PGM3: variants seen among roughly 807,000 people sequenced by gnomAD.
The protein encoded by PGM3 is phosphoglucomutase 3, also known as phosphoacetylglucosamine mutase.
In PGM3, 40 loss-of-function variants were observed where a neutral mutation model predicts 66.2. The ratio of observed to expected loss-of-function variants is 0.60; its 90% confidence interval spans 0.47 to 0.79. PGM3 has a LOEUF of 0.79. Ranked by LOEUF, PGM3 falls within the 30% of genes least tolerant of loss-of-function variation. The pLI, the probability that PGM3 is intolerant of heterozygous loss-of-function variation, is 0.00. For synonymous variants in PGM3, 191 were observed against 224.2 expected, an observed-to-expected ratio of 0.85 and a Z score of 1.32; for missense variants, 537 against 643.4, an observed-to-expected ratio of 0.83 and a Z score of 1.79.
intron 5 of PGM3, 151 bp from the exon 6 acceptor site, chr6:83,182,082 A>ACC: frequency 2.0e-6 from 1 of 493,538 alleles, no homozygotes; most frequent in Non-Finnish European, 3.4e-6. Flanking sequence ...TTCATTTTTC[A>ACC]ATTTTTAAAA....
At chr6:83,163,926 A>G (rs1365042686), downstream of PGM3, among the ~76,000 whole-genome samples, 2 of 151,976 alleles carry the variant, frequency 1.3e-5, no homozygotes, top group Non-Finnish European at 2.9e-5. Flanking sequence ...ATCTTTCAGT[A>G]TGCATCATGC....
chr6:83,171,309 A>G (rs532356795), intron 11 of PGM3: 1 of 152,258 alleles, frequency 6.6e-6, no homozygotes, highest in East Asian at 1.9e-4. Context: ...TAATTTTTTT[A>G]TATCTATTTT....
chr6:83,168,197 T>TGTA lies in PGM3; in HGVS notation c.*1034_*1036dup. 6.3e-7 allele frequency: 1 copy of TGTA among 1,583,108 alleles called. No individual in the cohort carries two copies. The highest frequency in any genetic ancestry group is 8.6e-7 in the Non-Finnish European group (1 of 1,167,602). On this transcript the variant is annotated 3_prime_UTR_variant, in exon 13 of 13. Coordinates refer to ENST00000513973, the MANE Select transcript of PGM3 (RefSeq NM_015599.3). ...CATTGCTGGTTCCATTTAGCTTACA[T>TGTA]GTAAATGTAATTATTTAAAACACAC...
intron 1 of PGM3, 45 bp from the exon 2 acceptor site, chr6:83,191,059 T>C: frequency 6.3e-7 from 1 of 1,576,470 alleles, no homozygotes; most frequent in East Asian, 2.2e-5. Flanking sequence ...AAGTAATTTC[T>C]TAAGAACCAT....
intron 12 of PGM3, 57 bp from the exon 13 acceptor site, chr6:83,169,380 G>T: frequency 6.3e-7 from 1 of 1,594,674 alleles, no homozygotes; most frequent in Non-Finnish European, 8.6e-7. Flanking sequence ...GTCTAACATG[G>T]GCAAGACCAT....
chr6:83,178,091 AATT>A (rs560362423), intron 8 of PGM3, among the ~76,000 whole-genome samples: 7 of 152,150 alleles, frequency 4.6e-5, no homozygotes, highest in Admixed American at 2.0e-4. Flanking sequence ...AAGTGTCATG[AATT>A]ATTTTTTCTT....
intron 4 of PGM3, among the ~76,000 whole-genome samples, chr6:83,185,559 T>G (rs571465407): frequency 1.1e-4 from 16 of 152,178 alleles, no homozygotes; most frequent in Middle Eastern, 3.4e-3. Context: ...GTCAGGAGAT[T>G]GAGACCAGTC....
chr6:83,169,765 T>C, intron 12 of PGM3: 1 of 457,860 alleles, frequency 2.2e-6, no homozygotes, highest in South Asian at 1.5e-5. Context: ...CACTGTACTT[T>C]GCCCTGGCTT....
chr6:83,154,594 T>A, the PGM3 span, among the ~76,000 whole-genome samples: 1 of 152,284 alleles, frequency 6.6e-6, no homozygotes, highest in Admixed American at 6.5e-5. Context: ...ATTCAGTGAA[T>A]GAGAGACTGA....
intron 10 of PGM3, among the ~76,000 whole-genome samples, chr6:83,172,279 A>C (rs1787287762): frequency 6.6e-6 from 1 of 152,178 alleles, no homozygotes; most frequent in African/African-American, 2.4e-5. Flanking sequence ...ATACACCTAC[A>C]GTCCCAGCTA....
At chr6:83,187,405 T>C (rs1436200787) in intron 3 of PGM3, among the ~76,000 whole-genome samples, 3 of 152,196 alleles carry the variant, frequency 2.0e-5, no homozygotes, top group South Asian at 4.1e-4. Flanking sequence ...CAATAAACAC[T>C]GAATATACAC....
chr6:83,148,915 C>T, the PGM3 span: 1 of 1,129,034 alleles, frequency 8.9e-7, no homozygotes, highest in African/African-American at 1.6e-5. Flanking sequence ...TGTTAATTGT[C>T]CTAGTTGCCA....
chr6:83,184,226 G>A (rs984773578), intron 4 of PGM3, among the ~76,000 whole-genome samples: 9 of 152,154 alleles, frequency 5.9e-5, no homozygotes, highest in South Asian at 2.1e-4. Flanking sequence ...AAAATGGATC[G>A]CAAAGATGGA....
chr6:83,191,300 A>G, intron 1 of PGM3: 4 of 1,416,034 alleles, frequency 2.8e-6, no homozygotes, highest in Non-Finnish European at 3.9e-6. Flanking sequence ...GACGCCGGGC[A>G]CACTTAAATT....
At chr6:83,171,528 G>A (rs1787136985) in intron 11 of PGM3, among the ~76,000 whole-genome samples, 1 of 152,032 alleles carries the variant, frequency 6.6e-6, no homozygotes, top group African/African-American at 2.4e-5. Flanking sequence ...GTCTCGCTCT[G>A]TCGCCAGGCC....
Position 83,181,847 on chromosome 6 carries a change from G to C in PGM3, c.676C>G (p.His226Asp). 2 of 1,613,894 alleles carry C rather than the reference G, an allele frequency of 1.2e-6. No individual in the cohort carries two copies. ...IGALKLREME[H>D]YFSQGLSVQL... ...ACTGACAGGCCCTGTGAGAAGTAGT[G>C]TTCCATTTCCCTTAGCTTCAGGGCC... is the stretch of plus-strand genomic sequence containing the variant. The change falls in exon 6 of 13, where the codon CAC becomes GAC. Residue 226 changes from histidine (H) to aspartate (D), a missense_variant. Physicochemically the swap from His to Asp is moderately conservative, Grantham distance 81. Transcript: ENST00000513973.
At chr6:83,151,286 C>T in the PGM3 span, among the ~76,000 whole-genome samples, 1 of 152,174 alleles carries the variant, frequency 6.6e-6, no homozygotes. Context: ...TACCAAGTAG[C>T]TGGAACTACA....
intron 10 of PGM3, among the ~76,000 whole-genome samples, chr6:83,173,569 G>C (rs770994239): frequency 3.2e-4 from 49 of 151,936 alleles, no homozygotes; most frequent in Non-Finnish European, 6.5e-4. Context: ...ACCTCTCCCT[G>C]TGTTACTGTA....
At chr6:83,174,743 C>A (rs1787630286) in intron 9 of PGM3, among the ~76,000 whole-genome samples, 1 of 152,152 alleles carries the variant, frequency 6.6e-6, no homozygotes. Flanking sequence ...AAAGAAAACA[C>A]CACCTTGACA....
Sources: gnomAD v4.1 joint callset for allele counts (sites outside exome capture counted in the v4.1 genomes callset) on GRCh38, gnomAD v4.1.1 for gene constraint, MANE v1.5 for transcripts, NCBI Gene and HGNC (gene_info 2026-07-23, HGNC 2026-07-21) for gene names.